ZBTB25: variants seen among roughly 807,000 people sequenced by gnomAD.
The protein encoded by ZBTB25 is zinc finger and BTB domain containing 25.
In ZBTB25, 20 loss-of-function variants were observed where a neutral mutation model predicts 34.2. The ratio of observed to expected loss-of-function variants is 0.58; its 90% CI spans 0.41 to 0.85. The LOEUF (loss-of-function observed/expected upper bound fraction) is 0.85. Among genes scored for constraint, ZBTB25 ranks in the 40% least tolerant of loss-of-function variants. ZBTB25 has a pLI of 0.00. For synonymous variants in ZBTB25, 175 were observed against 186.4 expected (o/e 0.94, Z 0.50); for missense variants, 437 against 521.8 (o/e 0.84, Z 1.58).
chr14:64,460,342 G>C (rs1271477598), intron 2 of ZBTB25: 2 of 186,988 alleles, frequency 1.1e-5, no homozygotes, highest in East Asian at 2.6e-4. Context: ...TCCCATTTCT[G>C]TCACAGCTTT....
At chr14:64,464,134 A>C (rs911079244) in intron 2 of ZBTB25, among the ~76,000 whole-genome samples, 2 of 151,952 alleles carry the variant, frequency 1.3e-5, no homozygotes, top group African/African-American at 4.8e-5. Flanking sequence ...TCTGGGCCCA[A>C]GTGATCCTCC....
At position 64,487,773 on chromosome 14, in the gene ZBTB25, C is replaced by T. The variant is rs771651611; in HGVS notation, c.458G>A (p.Ser153Asn). 1.2e-6 allele frequency: 2 copies of T among 1,614,208 alleles called. No individual in the cohort carries two copies. Among genetic ancestry groups the T allele is most frequent in the Admixed American group, 1.7e-5 (1 of 60,022 alleles). The change falls in exon 3 of 3, where the codon AGT becomes AAT. Residue 153 changes from serine to asparagine, a missense_variant. By Grantham distance (46) the Ser-to-Asn change is conservative. Transcript: ENST00000608382. ...QGLEVKEAPS[S>N]NSGNRAAVQG... is the part of the protein sequence containing the mutation. ...GACAGCAGCTCTGTTTCCACTGTTA[C>T]TGGAAGGAGCTTCTTTGACCTCCAG...
chr14:64,485,377 G>A lies in ZBTB25; in HGVS notation c.*1546C>T. The A allele has an allele frequency of 1.0e-6, 1 of 985,394 alleles. No individual in the cohort carries two copies. The highest frequency in any genetic ancestry group is 6.1e-5 in the Admixed American group (1 of 16,272). The allele number at this position is 985,394 out of a possible 1,614,324, so 61.0% of individuals were successfully genotyped here. A position where few individuals can be genotyped will look rare whatever the true frequency, so the allele number is the denominator to read the frequency against. On this transcript the variant is annotated 3_prime_UTR_variant, in exon 3 of 3. Coordinates refer to ENST00000608382, the MANE Select transcript of ZBTB25 (RefSeq NM_006977.5). ...TTAACAAGAGGGCAAAAAAAGATGA[G>A]TCTGTTTTATTATCCTTGACTATGC...
intron 1 of ZBTB25, 163 bp downstream of exon 1, chr14:64,503,498 C>T (rs1227216109): frequency 2.0e-6 from 2 of 985,414 alleles, no homozygotes; most frequent in Non-Finnish European, 2.4e-6. Flanking sequence ...GTATTTTCCT[C>T]CTGTGCCCTG....
At chr14:64,473,341 T>G (rs1393241857), downstream of ZBTB25, 1 of 167,104 alleles carries the variant, frequency 6.0e-6, no homozygotes, top group Non-Finnish European at 1.5e-5. Context: ...ATAATTTTCC[T>G]TCAAGGTAAT....
intron 2 of ZBTB25, among the ~76,000 whole-genome samples, chr14:64,451,260 G>T (rs758039791): frequency 6.6e-6 from 1 of 152,086 alleles, no homozygotes; most frequent in African/African-American, 2.4e-5. Context: ...GGGTTCAAGT[G>T]ATCCTCCTGC....
chr14:64,504,252 A>C, upstream of ZBTB25, among the ~76,000 whole-genome samples: 1 of 123,774 alleles, frequency 8.1e-6, no homozygotes, highest in Non-Finnish European at 1.7e-5. Context: ...GGCCCACGGA[A>C]GGTGGGGTCG....
At chr14:64,452,175 A>C (rs2140985753) in intron 2 of ZBTB25, among the ~76,000 whole-genome samples, 1 of 152,242 alleles carries the variant, frequency 6.6e-6, no homozygotes, top group South Asian at 2.1e-4. Flanking sequence ...CATGCCTGTG[A>C]TCCCAGCTAC....
Position 64,498,913 on chromosome 14 carries a change from C to T in ZBTB25, c.-8+4748G>A, listed in dbSNP as rs530865945. 1.6e-3 allele frequency among the ~76,000 whole-genome samples: 244 copies of T among 152,230 alleles called. 1 individual carries two copies. Among genetic ancestry groups the T allele is most frequent in the Non-Finnish European group, 2.4e-3 (165 of 67,992 alleles). On this transcript the variant is annotated intron_variant, in intron 1 of 2. Coordinates refer to ENST00000608382, the MANE Select transcript of ZBTB25 (RefSeq NM_006977.5). ...CCTCCCAAAGTGCTGTGATTACAGG[C>T]GTGAGCCACCGCGCCCAGCCCAGAT...
intron 2 of ZBTB25, among the ~76,000 whole-genome samples, chr14:64,488,444 G>A (rs2078959286): frequency 6.6e-6 from 1 of 151,970 alleles, no homozygotes; most frequent in Non-Finnish European, 1.5e-5. Context: ...TAAAAACAGG[G>A]ACTCAAACAG....
chr14:64,458,903 T>A (rs2078519135), intron 2 of ZBTB25, among the ~76,000 whole-genome samples: 1 of 152,170 alleles, frequency 6.6e-6, no homozygotes, highest in Non-Finnish European at 1.5e-5. Context: ...AGCAGCAAGT[T>A]GCAGTGTGCA....
At chr14:64,450,025 C>T (rs184430035) in intron 2 of ZBTB25, among the ~76,000 whole-genome samples, 29 of 152,268 alleles carry the variant, frequency 1.9e-4, no homozygotes, top group East Asian at 1.5e-3. Flanking sequence ...CTCCTGACCT[C>T]GTGATCCACC....
chr14:64,449,380 A>G, exon 3 of ZBTB25: 1 of 1,577,128 alleles, frequency 6.3e-7, no homozygotes, highest in Non-Finnish European at 8.7e-7. Flanking sequence ...TTTAATGGCA[A>G]AAAGAAGACA....
At chr14:64,454,790 A>G (rs2140989055) in intron 2 of ZBTB25, 3 of 1,614,148 alleles carry the variant, frequency 1.9e-6, no homozygotes, top group Non-Finnish European at 8.5e-7. Context: ...CCAGAGCAAA[A>G]AGGTGTCCCT....
At position 64,486,234 on chromosome 14, in the gene ZBTB25, G is replaced by C. The variant is rs748371586; in HGVS notation, c.*689C>G. 62 of 904,310 alleles carry C rather than the reference G, an allele frequency of 6.9e-5. No individual in the cohort carries two copies. In the Middle Eastern group the frequency reaches 1.7e-3, roughly 25 times the overall value. The allele number at this position is 904,310 out of a possible 1,614,324, so 56.0% of individuals were successfully genotyped here. ...GGAGAATGGCGTGAACCCGGGAGGC[G>C]GAGCTTGCAGTCAGCCGAGATCGCG... is the stretch of plus-strand genomic sequence containing the variant. On this transcript the variant is annotated 3_prime_UTR_variant, in exon 3 of 3. Transcript: ENST00000608382.
intron 2 of ZBTB25, among the ~76,000 whole-genome samples, chr14:64,457,490 C>T (rs1262522639): frequency 1.2e-4 from 18 of 149,574 alleles, no homozygotes; most frequent in Non-Finnish European, 5.9e-5. Flanking sequence ...GAGTCTTGCT[C>T]TGTCACCCAG....
chr14:64,485,656 T>C lies in ZBTB25; in HGVS notation c.*1267A>G, dbSNP rs972180432. ...GAATGTATCCACTTTGCTGGTTTTATGGATCAGGAAAAAAGTGAAAACTGT... is the reference window on the plus strand; with the variant it reads ...GAATGTATCCACTTTGCTGGTTTTACGGATCAGGAAAAAAGTGAAAACTGT... On this transcript the variant is annotated 3_prime_UTR_variant, in exon 3 of 3. Coordinates refer to ENST00000608382, the MANE Select transcript of ZBTB25 (RefSeq NM_006977.5). 1.9e-5 allele frequency: 19 copies of C among 985,302 alleles called. No individual in the cohort carries two copies. Among genetic ancestry groups the C allele is most frequent in the South Asian group, 9.4e-5 (2 of 21,290 alleles). 61.0% of individuals were successfully genotyped at this position (985,302 alleles called of 1,614,324 possible).
Position 64,486,251 on chromosome 14 carries a change from G to C in ZBTB25, c.*672C>G. On this transcript the variant is annotated 3_prime_UTR_variant, in exon 3 of 3. Coordinates refer to ENST00000608382, the MANE Select transcript of ZBTB25 (RefSeq NM_006977.5). ...CGGGAGGCGGAGCTTGCAGTCAGCCGAGATCGCGCCACTGCGCCCCAGCCT... is the reference window on the plus strand; with the variant it reads ...CGGGAGGCGGAGCTTGCAGTCAGCCCAGATCGCGCCACTGCGCCCCAGCCT... The C allele has an allele frequency of 1.1e-6, 1 of 946,188 alleles. No homozygotes were observed. The highest frequency in any genetic ancestry group is 4.9e-5 in the South Asian group (1 of 20,408). The allele number at this position is 946,188 out of a possible 1,614,324, so 58.6% of individuals were successfully genotyped here.
At chr14:64,450,362 C>T (rs965623592) in intron 2 of ZBTB25, among the ~76,000 whole-genome samples, 1 of 152,130 alleles carries the variant, frequency 6.6e-6, no homozygotes, top group Non-Finnish European at 1.5e-5. Flanking sequence ...AAGAAGTGTG[C>T]CCCCACGTTC....
Sources: allele counts gnomAD v4.1 joint callset (sites outside exome capture counted in the v4.1 genomes callset), GRCh38; gene constraint gnomAD v4.1.1; transcripts MANE v1.5; gene names NCBI Gene and HGNC (gene_info 2026-07-23, HGNC 2026-07-21).